Variants in ALK observed in about 807,000 individuals in gnomAD.
ALK encodes the protein ALK receptor tyrosine kinase, also known as ALK tyrosine kinase receptor.
Under a neutral mutation model 163.1 loss-of-function variants are expected in ALK, and 74 were observed. The observed-to-expected ratio is 0.45, with a 90% CI of 0.38 to 0.55. The LOEUF is 0.55. Ranked by LOEUF, ALK falls within the 20% of genes least tolerant of loss-of-function variation. The pLI, the probability that ALK is intolerant of heterozygous loss-of-function variation, is 0.00. For synonymous variants in ALK, 960 were observed against 843.2 expected (o/e 1.14, Z -2.40); for missense variants, 2,063 against 2,105.3 (o/e 0.98, Z 0.39).
chr2:29,619,707 T>C (rs773697049), intron 3 of ALK, among the ~76,000 whole-genome samples: 4 of 152,218 alleles, frequency 2.6e-5, no homozygotes, highest in Non-Finnish European at 5.9e-5. Flanking sequence ...CAATGCCTCC[T>C]TGACAAAGAG....
At chr2:29,833,195 C>T (rs1237924758) in intron 1 of ALK, among the ~76,000 whole-genome samples, 1 of 152,214 alleles carries the variant, frequency 6.6e-6, no homozygotes, top group Non-Finnish European at 1.5e-5. Flanking sequence ...CTGTTGGAAT[C>T]TCTCCAGGTA....
chr2:29,710,783 T>C lies in ALK; in HGVS notation c.787+6795A>G, dbSNP rs539579236. On this transcript the variant is annotated intron_variant, in intron 2 of 28. Transcript: ENST00000389048. ...TGCTTGGCCTTCCAAATTGCTGGGA[T>C]TACAGGCGTGAGCAACTGTGCCTGG... Among the ~76,000 whole-genome samples the C allele has an allele frequency of 2.1e-4, 32 of 152,280 alleles. No individual in the cohort carries two copies. The East Asian group carries it at 6.0e-3, about 29-fold the overall frequency.
intron 3 of ALK, among the ~76,000 whole-genome samples, chr2:29,693,228 T>C (rs1558445150): frequency 6.6e-6 from 1 of 152,302 alleles, no homozygotes; most frequent in East Asian, 1.9e-4. Context: ...CTCTAATCTA[T>C]GCATGTATAT....
At chr2:29,232,538 G>T (rs916077500) in intron 14 of ALK, 90 bp from the exon 15 acceptor site, 33 of 1,569,088 alleles carry the variant, frequency 2.1e-5, no homozygotes, top group Non-Finnish European at 2.5e-5. Context: ...CTGACTGAGG[G>T]TTTGCTGTTT....
intron 4 of ALK, among the ~76,000 whole-genome samples, chr2:29,387,406 T>C (rs1265366483): frequency 1.3e-5 from 2 of 151,850 alleles, no homozygotes; most frequent in African/African-American, 2.4e-5. Context: ...TATGTTAGAG[T>C]CCATCAAAAA....
intron 3 of ALK, among the ~76,000 whole-genome samples, chr2:29,654,086 A>C (rs1312169430): frequency 1.1e-4 from 16 of 152,138 alleles, no homozygotes; most frequent in South Asian, 4.1e-4. Flanking sequence ...AATATACAGA[A>C]TTGTGTGGTT....
chr2:29,497,145 G>C (rs148202053), intron 4 of ALK, among the ~76,000 whole-genome samples: 8 of 152,104 alleles, frequency 5.3e-5, no homozygotes, highest in African/African-American at 1.9e-4. Context: ...GGTGGTGGGC[G>C]CCTGTAATCT....
At chr2:29,282,950 A>G (rs111322052) in intron 9 of ALK, among the ~76,000 whole-genome samples, 6,346 of 152,260 alleles carry the variant, frequency 0.042, 159 homozygotes, top group Middle Eastern at 0.071. Context: ...CATCTCTGGC[A>G]AGTTCCTGTT....
chr2:29,905,138 T>C (rs1038248449), intron 1 of ALK, among the ~76,000 whole-genome samples: 1 of 152,254 alleles, frequency 6.6e-6, no homozygotes, highest in African/African-American at 2.4e-5. Context: ...TGCTGCAAAG[T>C]AATTTCTTGA....
At chr2:29,292,166 T>C (rs1002658784) in intron 9 of ALK, among the ~76,000 whole-genome samples, 3 of 152,248 alleles carry the variant, frequency 2.0e-5, no homozygotes, top group Non-Finnish European at 4.4e-5. Context: ...TAAAAGCCTT[T>C]ATAATGATAG....
chr2:29,422,767 G>A (rs1384575978), intron 4 of ALK, among the ~76,000 whole-genome samples: 1 of 152,096 alleles, frequency 6.6e-6, no homozygotes, highest in African/African-American at 2.4e-5. Flanking sequence ...CATGGCCTAG[G>A]GTTATTGTTC....
chr2:29,504,210 T>C (rs1672257006), intron 4 of ALK, among the ~76,000 whole-genome samples: 1 of 151,636 alleles, frequency 6.6e-6, no homozygotes, highest in Non-Finnish European at 1.5e-5. Flanking sequence ...GAGCAGTGAG[T>C]ACAAAGGGCC....
At chr2:29,592,179 T>G (rs1400170013) in intron 3 of ALK, among the ~76,000 whole-genome samples, 1 of 152,118 alleles carries the variant, frequency 6.6e-6, no homozygotes, top group East Asian at 1.9e-4. Flanking sequence ...CCAGAGCACC[T>G]TTCTGCTCCC....
At chr2:29,398,834 C>A (rs1669374209) in intron 4 of ALK, among the ~76,000 whole-genome samples, 2 of 152,184 alleles carry the variant, frequency 1.3e-5, no homozygotes, top group South Asian at 4.1e-4. Context: ...CTGCTGACAG[C>A]TCAGAGCAGG....
intron 3 of ALK, among the ~76,000 whole-genome samples, chr2:29,671,272 G>A: frequency 6.6e-6 from 1 of 152,046 alleles, no homozygotes; most frequent in East Asian, 1.9e-4. Context: ...AAATGGGGGA[G>A]GTCTCAAAGA....
chr2:29,870,334 C>G (rs191062272), intron 1 of ALK, among the ~76,000 whole-genome samples: 12 of 152,194 alleles, frequency 7.9e-5, no homozygotes, highest in African/African-American at 2.4e-4. Context: ...TGGAAGCAGG[C>G]AAAAATTCAC....
At chr2:29,578,460 G>A (rs1216647208) in intron 3 of ALK, among the ~76,000 whole-genome samples, 1 of 152,194 alleles carries the variant, frequency 6.6e-6, no homozygotes, top group Non-Finnish European at 1.5e-5. Context: ...GCTGTTAATA[G>A]AATCATGAAG....
intron 1 of ALK, among the ~76,000 whole-genome samples, chr2:29,771,589 C>A (rs929260536): frequency 2.6e-5 from 4 of 151,432 alleles, no homozygotes; most frequent in African/African-American, 9.7e-5. Context: ...GGCTGGAGTG[C>A]AGTGTCACGA....
intron 1 of ALK, among the ~76,000 whole-genome samples, chr2:29,804,991 ATCTTG>A (rs1317660751): frequency 2.0e-5 from 3 of 152,118 alleles, no homozygotes; most frequent in African/African-American, 7.2e-5. Flanking sequence ...GAGATCTACT[ATCTTG>A]TCTGGTTTCT....
Sources: gnomAD v4.1 joint callset for allele counts (sites outside exome capture counted in the v4.1 genomes callset) on GRCh38, gnomAD v4.1.1 for gene constraint, MANE v1.5 for transcripts, NCBI Gene and HGNC (gene_info 2026-07-23, HGNC 2026-07-21) for gene names.